ARHGAP26: variants seen among roughly 807,000 people sequenced by gnomAD.
ARHGAP26 encodes Rho GTPase activating protein 26, also known as rho GTPase-activating protein 26.
ARHGAP26 carries 38 observed loss-of-function variants against 104.8 expected under a neutral mutation model. The observed-to-expected ratio is 0.36, with a 90% CI of 0.28 to 0.48. The LOEUF is 0.48. Ranked by LOEUF, ARHGAP26 falls within the 20% of genes least tolerant of loss-of-function variation. The pLI is 0.99. For synonymous variants in ARHGAP26, 341 were observed against 340.0 expected (o/e 1.00, Z -0.03); for missense variants, 704 against 947.9 (o/e 0.74, Z 3.38).
intron 1 of ARHGAP26, among the ~76,000 whole-genome samples, chr5:142,836,149 G>A (rs1342464693): frequency 4.6e-5 from 7 of 152,162 alleles, no homozygotes; most frequent in East Asian, 1.9e-4. Context: ...CTCCTCTAAT[G>A]TTTAATTCTG....
intron 20 of ARHGAP26, chr5:143,164,873 C>A (rs1392346700): frequency 1.3e-5 from 2 of 152,226 alleles, no homozygotes; most frequent in Non-Finnish European, 2.9e-5. Context: ...CAAAAATGTT[C>A]GACAGAAACC....
intron 17 of ARHGAP26, among the ~76,000 whole-genome samples, chr5:143,060,187 A>G (rs2150313511): frequency 6.6e-6 from 1 of 152,318 alleles, no homozygotes; most frequent in South Asian, 2.1e-4. Flanking sequence ...CCTCTGGGCT[A>G]CTTACTTAAT....
intron 11 of ARHGAP26, among the ~76,000 whole-genome samples, chr5:142,979,568 C>T (rs1201879645): frequency 6.6e-6 from 1 of 152,220 alleles, no homozygotes; most frequent in Non-Finnish European, 1.5e-5. Flanking sequence ...TTATCAATCC[C>T]TGCAGAAGAA....
rs544507485 is a variant in ARHGAP26, at chr5:142,855,975, T to C, written c.155-17425T>C. On this transcript the variant is annotated intron_variant, in intron 1 of 22. Transcript: ENST00000645722. ...GCATAGTCTACTCCTTTAAGAGGTG[T>C]ATAATCGCGGCTGTGAGAAGTCACA... Among the ~76,000 whole-genome samples, 9 of 152,370 alleles carry C rather than the reference T, an allele frequency of 5.9e-5. No individual in the cohort carries two copies. The South Asian group carries it at 1.9e-3, about 32-fold the overall frequency.
chr5:142,817,629 C>T (rs1765393660), intron 1 of ARHGAP26, among the ~76,000 whole-genome samples: 1 of 152,120 alleles, frequency 6.6e-6, no homozygotes, highest in African/African-American at 2.4e-5. Flanking sequence ...ACCTAATCCC[C>T]ATCCCTGGGT....
chr5:142,899,613 A>T (rs1277544103), intron 6 of ARHGAP26, among the ~76,000 whole-genome samples: 6 of 152,122 alleles, frequency 3.9e-5, no homozygotes, highest in African/African-American at 1.4e-4. Flanking sequence ...TTTGAAGCAG[A>T]CAGCTCCCCC....
At chr5:143,195,900 C>T (rs940326022) in intron 20 of ARHGAP26, among the ~76,000 whole-genome samples, 4 of 151,432 alleles carry the variant, frequency 2.6e-5, no homozygotes, top group South Asian at 4.2e-4. Flanking sequence ...AAAAACTTTG[C>T]GTATGGGAAC....
chr5:142,883,386 C>T (rs536379093), intron 4 of ARHGAP26, among the ~76,000 whole-genome samples: 1 of 152,222 alleles, frequency 6.6e-6, no homozygotes, highest in African/African-American at 2.4e-5. Flanking sequence ...AGTCTCTTGC[C>T]TGTACCCTCC....
intron 11 of ARHGAP26, among the ~76,000 whole-genome samples, chr5:142,967,141 T>C (rs535036559): frequency 6.6e-6 from 1 of 152,324 alleles, no homozygotes; most frequent in South Asian, 2.1e-4. Context: ...TTATTCTTAA[T>C]GTTCTTTTAG....
intron 11 of ARHGAP26, among the ~76,000 whole-genome samples, chr5:142,949,178 A>AGAGAGAGAGAGAGAGAGAGAGAGAGAGAG (rs1767689230): frequency 1.3e-3 from 6 of 4,742 alleles, no homozygotes; most frequent in African/African-American, 7.6e-3. Context: ...AGAGAGAGAG[A>AGAGAGAGAGAGAGAGAGAGAGAGAGAGAG]GAGAGAGAGA....
chr5:143,011,063 G>A (rs548874641), intron 11 of ARHGAP26: 5 of 152,240 alleles, frequency 3.3e-5, no homozygotes, highest in South Asian at 2.1e-4. Flanking sequence ...CTGCAGGATC[G>A]GATTGCTGCC....
At chr5:142,796,433 A>T (rs910730247) in intron 1 of ARHGAP26, among the ~76,000 whole-genome samples, 1 of 152,244 alleles carries the variant, frequency 6.6e-6, no homozygotes, top group African/African-American at 2.4e-5. Context: ...TTCTGTGATT[A>T]TAATCGCTGG....
At chr5:143,017,133 G>T (rs3776364) in intron 12 of ARHGAP26, among the ~76,000 whole-genome samples, 1 of 152,132 alleles carries the variant, frequency 6.6e-6, no homozygotes, top group Non-Finnish European at 1.5e-5. Flanking sequence ...CCAAATGTCC[G>T]GCATTTTCTT....
chr5:142,943,720 A>T (rs1766712502), intron 11 of ARHGAP26, among the ~76,000 whole-genome samples: 1 of 152,228 alleles, frequency 6.6e-6, no homozygotes, highest in Non-Finnish European at 1.5e-5. Context: ...AGTTCTAAAT[A>T]TAGCACAAAA....
intron 20 of ARHGAP26, among the ~76,000 whole-genome samples, chr5:143,206,553 G>A (rs1428228779): frequency 6.6e-6 from 1 of 152,166 alleles, no homozygotes; most frequent in African/African-American, 2.4e-5. Context: ...TTCCACGAAA[G>A]GAGAAAGGGC....
chr5:143,049,355 G>A (rs537726614), intron 14 of ARHGAP26, among the ~76,000 whole-genome samples: 164 of 152,170 alleles, frequency 1.1e-3, no homozygotes, highest in African/African-American at 3.9e-3. Context: ...TTATAATGCA[G>A]ATTTTAACTT....
At chr5:143,127,900 A>T (rs565817121) in intron 18 of ARHGAP26, among the ~76,000 whole-genome samples, 2 of 152,370 alleles carry the variant, frequency 1.3e-5, no homozygotes, top group African/African-American at 4.8e-5. Context: ...CTATGTTGAA[A>T]TAGTCATTGG....
chr5:143,020,862 G>A (rs751914326), intron 12 of ARHGAP26, among the ~76,000 whole-genome samples: 1 of 151,818 alleles, frequency 6.6e-6, no homozygotes, highest in South Asian at 2.1e-4. Context: ...GGATGGTCTC[G>A]ATCTGCTGAC....
intron 11 of ARHGAP26, among the ~76,000 whole-genome samples, chr5:142,958,790 CG>C (rs1769674940): frequency 6.6e-6 from 1 of 151,408 alleles, no homozygotes; most frequent in South Asian, 2.1e-4. Context: ...CAACATAGGC[CG>C]GGTGCAGTGG....
Sources: allele counts gnomAD v4.1 joint callset (sites outside exome capture counted in the v4.1 genomes callset), GRCh38; gene constraint gnomAD v4.1.1; transcripts MANE v1.5; gene names NCBI Gene and HGNC (gene_info 2026-07-23, HGNC 2026-07-21).